DMD: variants seen among roughly 807,000 people sequenced by gnomAD.
DMD encodes mutant dystrophin.
DMD carries 63 observed loss-of-function variants against 330.1 expected under a neutral mutation model. The observed-to-expected ratio is 0.19, with a 90% CI of 0.16 to 0.24. The LOEUF (loss-of-function observed/expected upper bound fraction) is 0.24. Among genes scored for constraint, DMD ranks in the 10% least tolerant of loss-of-function variants. The pLI is 1.00. For missense variants in DMD, 3,344 were observed against 2,684.1 expected, an observed-to-expected ratio of 1.25 and a Z score of -5.43; for synonymous variants, 1,223 against 959.8, an observed-to-expected ratio of 1.27 and a Z score of -5.07.
At chrX:31,413,496 T>C (rs974386432) in intron 60 of DMD, among the ~76,000 whole-genome samples, 1 of 111,982 alleles carries the variant, frequency 8.9e-6, no homozygotes, top group Non-Finnish European at 1.9e-5. Context: ...TTTGTGTCAT[T>C]TGAAAAATTA....
intron 43 of DMD, among the ~76,000 whole-genome samples, chrX:32,268,852 T>C (rs114049388): frequency 0.02 from 2,158 of 110,502 alleles, 18 homozygotes; most frequent in African/African-American, 0.039. Flanking sequence ...ACATACCTAA[T>C]AGTAGTGTTA....
At chrX:33,302,356 C>T (rs1186836663) in intron 1 of DMD, among the ~76,000 whole-genome samples, 2 of 111,460 alleles carry the variant, frequency 1.8e-5, no homozygotes, top group African/African-American at 6.5e-5. Flanking sequence ...TGATTTATAA[C>T]CTCACCAACA....
At chrX:32,646,557 G>T (rs1292263454) in intron 9 of DMD, among the ~76,000 whole-genome samples, 1 of 110,931 alleles carries the variant, frequency 9.0e-6, no homozygotes, top group Non-Finnish European at 1.9e-5. Context: ...GCTGTTTGGG[G>T]GATTTCATAA....
At chrX:32,437,109 T>C (rs1318617679) in intron 29 of DMD, among the ~76,000 whole-genome samples, 2 of 112,267 alleles carry the variant, frequency 1.8e-5, no homozygotes, top group Non-Finnish European at 3.8e-5. Context: ...CACATTGAAA[T>C]GATCTTCAAT....
intron 44 of DMD, among the ~76,000 whole-genome samples, chrX:32,202,346 CTTTAT>C (rs950538318): frequency 3.6e-5 from 4 of 111,592 alleles, no homozygotes; most frequent in African/African-American, 1.3e-4. Context: ...GCATTCACTG[CTTTAT>C]TTTCTTTTTT....
At chrX:32,812,740 A>G (rs771378203) in intron 6 of DMD, among the ~76,000 whole-genome samples, 1 of 112,528 alleles carries the variant, frequency 8.9e-6, no homozygotes, top group Non-Finnish European at 1.9e-5. Flanking sequence ...GAATCCCTCC[A>G]TATTTTCCAA....
chrX:31,373,460 AC>A (rs1330968221), intron 60 of DMD, among the ~76,000 whole-genome samples: 3 of 101,407 alleles, frequency 3.0e-5, no homozygotes, highest in Non-Finnish European at 6.1e-5. Context: ...TGGTACTGGT[AC>A]CAAAACAGAG....
chrX:31,574,146 G>GTT lies in DMD; in HGVS notation c.8217+53525_8217+53526dup, dbSNP rs749028855. ...GGATGATCTGTTTGTTTTTTTTTTT[G>GTT]TTTTTTTTTTTTTTTGAGGCAGAGT... is the stretch of plus-strand genomic sequence containing the variant. On this transcript the variant is annotated intron_variant, in intron 55 of 78. Transcript: ENST00000357033. Among the ~76,000 whole-genome samples, 197 of 75,924 alleles carry GTT rather than the reference G, an allele frequency of 2.6e-3. 1 individual carries two copies. The highest frequency in any genetic ancestry group is 6.9e-3 in the African/African-American group (143 of 20,836). The allele number at this position is 75,924 out of a possible 115,157, so 65.9% of individuals were successfully genotyped here.
intron 30 of DMD, among the ~76,000 whole-genome samples, chrX:32,410,992 G>A (rs908235145): frequency 1.1e-4 from 12 of 111,596 alleles, no homozygotes; most frequent in African/African-American, 2.9e-4. Context: ...TAATTGAGGT[G>A]TAAATTTATA....
chrX:31,269,392 T>A (rs2051438060), intron 62 of DMD, among the ~76,000 whole-genome samples: 1 of 111,182 alleles, frequency 9.0e-6, no homozygotes, highest in Non-Finnish European at 1.9e-5. Context: ...ACCACGGACA[T>A]GAAAAGAGCC....
intron 44 of DMD, among the ~76,000 whole-genome samples, chrX:32,159,196 T>C (rs779163072): frequency 3.7e-4 from 41 of 112,266 alleles, no homozygotes; most frequent in African/African-American, 1.3e-3. Flanking sequence ...CAGGCTGTGG[T>C]CTTTCTTACC....
chrX:32,596,008 A>G, intron 12 of DMD, 132 bp from the exon 13 acceptor site: 1 of 569,333 alleles, frequency 1.8e-6, no homozygotes, highest in Non-Finnish European at 2.9e-6. Flanking sequence ...ACCTAAAACC[A>G]TTCCAAGCCA....
chrX:32,736,639 C>T (rs2068525048), intron 7 of DMD, among the ~76,000 whole-genome samples: 1 of 109,362 alleles, frequency 9.1e-6, no homozygotes, highest in Non-Finnish European at 1.9e-5. Flanking sequence ...AATTGGAAAT[C>T]ATCATTCTCA....
chrX:33,299,202 T>C (rs2053627122), intron 1 of DMD, among the ~76,000 whole-genome samples: 1 of 111,340 alleles, frequency 9.0e-6, no homozygotes, highest in Non-Finnish European at 1.9e-5. Context: ...ACTCTATAGT[T>C]GAAAACCAAA....
At chrX:31,206,029 T>C (rs1404376991) in intron 66 of DMD, among the ~76,000 whole-genome samples, 2 of 112,551 alleles carry the variant, frequency 1.8e-5, no homozygotes, top group African/African-American at 3.2e-5. Context: ...AAGAACCCAA[T>C]GCGTAATCAA....
chrX:32,388,031 C>T (rs1470668865), intron 32 of DMD, among the ~76,000 whole-genome samples: 1 of 111,424 alleles, frequency 9.0e-6, no homozygotes, highest in Non-Finnish European at 1.9e-5. Flanking sequence ...TTATGGTATA[C>T]ACCACAAAGC....
chrX:32,980,665 C>T (rs1048987561), intron 2 of DMD, among the ~76,000 whole-genome samples: 19 of 110,910 alleles, frequency 1.7e-4, no homozygotes, highest in African/African-American at 6.2e-4. Flanking sequence ...TTTTCCGAAT[C>T]ATAATATTTT....
At chrX:32,932,366 G>T (rs1488162267) in intron 2 of DMD, among the ~76,000 whole-genome samples, 1 of 112,068 alleles carries the variant, frequency 8.9e-6, no homozygotes, top group Non-Finnish European at 1.9e-5. Flanking sequence ...AGCGATGTGT[G>T]TCATATTATA....
At chrX:31,497,315 G>A (rs2069969776) in intron 56 of DMD, among the ~76,000 whole-genome samples, 1 of 111,650 alleles carries the variant, frequency 9.0e-6, no homozygotes, top group Non-Finnish European at 1.9e-5. Flanking sequence ...GCTAGTACTG[G>A]AATTCTTTTT....
Sources: gnomAD v4.1 joint callset for allele counts (sites outside exome capture counted in the v4.1 genomes callset) on GRCh38, gnomAD v4.1.1 for gene constraint, MANE v1.5 for transcripts, NCBI Gene and HGNC (gene_info 2026-07-23, HGNC 2026-07-21) for gene names.